Variants in SDHAF3 observed in about 807,000 individuals in gnomAD.
The protein encoded by SDHAF3 is succinate dehydrogenase complex assembly factor 3.
SDHAF3 carries 18 observed loss-of-function variants against 11.5 expected under a neutral mutation model. That is an observed-to-expected ratio of 1.56 (90% confidence interval 1.08 to 2.32). The LOEUF is 2.32. Among genes scored for constraint, SDHAF3 ranks in the 30% most tolerant of loss-of-function variants. The pLI, the probability that SDHAF3 is intolerant of heterozygous loss-of-function variation, is 0.00. For synonymous variants in SDHAF3, 72 were observed against 59.3 expected (o/e 1.21, Z -0.99); for missense variants, 200 against 154.4 (o/e 1.30, Z -1.57).
intron 1 of SDHAF3, among the ~76,000 whole-genome samples, chr7:97,143,530 C>T (rs551715881): frequency 3.2e-4 from 49 of 152,240 alleles, no homozygotes; most frequent in African/African-American, 1.2e-3. Context: ...GCTTAGCTCC[C>T]ACATATCAGT....
intron 1 of SDHAF3, among the ~76,000 whole-genome samples, chr7:97,130,623 C>T (rs536249249): frequency 2.0e-4 from 31 of 152,314 alleles, no homozygotes; most frequent in Non-Finnish European, 4.1e-4. Flanking sequence ...TCACGTGTGG[C>T]CGCAGCCCTG....
At chr7:97,180,723 G>A (rs531101612) in intron 1 of SDHAF3, among the ~76,000 whole-genome samples, 9 of 152,274 alleles carry the variant, frequency 5.9e-5, no homozygotes, top group African/African-American at 2.2e-4. Flanking sequence ...ATGGTTTGAG[G>A]TGGTTTATGC....
intron 1 of SDHAF3, 67 bp downstream of exon 1, chr7:97,117,964 C>T: frequency 6.4e-7 from 1 of 1,571,548 alleles, no homozygotes; most frequent in South Asian, 1.2e-5. Context: ...TTTCTAGTTC[C>T]AGTCCCCCAT....
Position 97,181,358 on chromosome 7 carries a change from T to C in SDHAF3, c.*143T>C. 1.6e-6 allele frequency: 1 copy of C among 620,720 alleles called. No individual in the cohort carries two copies. Among genetic ancestry groups the C allele is most frequent in the Non-Finnish European group, 2.7e-6 (1 of 366,292 alleles). 38.5% of individuals were successfully genotyped at this position (620,720 alleles called of 1,614,324 possible). On this transcript the variant is annotated 3_prime_UTR_variant, in exon 2 of 2. Coordinates refer to ENST00000432641, the MANE Select transcript of SDHAF3 (RefSeq NM_020186.3). ...TATTTTGGATATTATGATTGCAGTA[T>C]ATGGATCAAGATCACTAGTGACAAT...
intron 1 of SDHAF3, among the ~76,000 whole-genome samples, chr7:97,174,102 A>G (rs1789646132): frequency 6.6e-6 from 1 of 151,892 alleles, no homozygotes. Flanking sequence ...TATTTTTATT[A>G]GAGACAGGGT....
At chr7:97,124,173 A>G (rs186467072) in intron 1 of SDHAF3, among the ~76,000 whole-genome samples, 1 of 150,728 alleles carries the variant, frequency 6.6e-6, no homozygotes, top group Non-Finnish European at 1.5e-5. Context: ...TTGGTTGTAA[A>G]GTGTAAGGAA....
chr7:97,160,246 C>T (rs1356011678), intron 1 of SDHAF3, among the ~76,000 whole-genome samples: 1 of 147,108 alleles, frequency 6.8e-6, no homozygotes, highest in African/African-American at 2.5e-5. Flanking sequence ...TGAGGAGCGC[C>T]CCTGCCCGGC....
chr7:97,124,698 A>G (rs1321813737), intron 1 of SDHAF3, among the ~76,000 whole-genome samples: 3 of 152,116 alleles, frequency 2.0e-5, no homozygotes, highest in African/African-American at 7.2e-5. Context: ...GTTCTCCTTG[A>G]AGAGGTCCTT....
At chr7:97,123,624 T>C (rs887726638) in intron 1 of SDHAF3, among the ~76,000 whole-genome samples, 3 of 152,140 alleles carry the variant, frequency 2.0e-5, no homozygotes, top group Admixed American at 2.0e-4. Context: ...AGTGTAAAAG[T>C]GTTCCTATTT....
chr7:97,125,782 C>T (rs1357687163), intron 1 of SDHAF3, among the ~76,000 whole-genome samples: 1 of 152,172 alleles, frequency 6.6e-6, no homozygotes, highest in Non-Finnish European at 1.5e-5. Flanking sequence ...TAGAACATGC[C>T]TCCGTAGCTC....
intron 1 of SDHAF3, among the ~76,000 whole-genome samples, chr7:97,171,231 C>G (rs1001246859): frequency 1.4e-4 from 22 of 151,932 alleles, no homozygotes; most frequent in Non-Finnish European, 3.2e-4. Context: ...TTCAGTGTTG[C>G]TAAAGAGAAT....
chr7:97,157,835 A>C (rs1789327854), intron 1 of SDHAF3, among the ~76,000 whole-genome samples: 1 of 151,874 alleles, frequency 6.6e-6, no homozygotes, highest in Admixed American at 6.6e-5. Context: ...GAAGCTGGAA[A>C]CCATCATTCT....
Position 97,117,796 on chromosome 7 carries a change from C to T in SDHAF3, c.73C>T (p.Pro25Ser), listed in dbSNP as rs1179725194. Residue 25 changes from proline (P) to serine (S), a missense_variant, in exon 1 of 2, where the codon CCG (proline) becomes TCG (serine). Physicochemically the swap from Pro to Ser is moderately conservative, Grantham distance 74. Transcript: ENST00000432641. The part of the protein sequence containing the change: ...RVLQLHRVLP[P>S]DLKSLGDQYV... ...CTTGCAGCTGCACCGTGTTCTGCCCCCGGACCTCAAATCCCTGGGCGACCA... is the reference window on the plus strand; with the variant it reads ...CTTGCAGCTGCACCGTGTTCTGCCCTCGGACCTCAAATCCCTGGGCGACCA... The T allele has an allele frequency of 5.6e-6, 9 of 1,614,080 alleles. No homozygotes were observed. The highest frequency in any genetic ancestry group is 5.0e-5 in the Admixed American group (3 of 60,014).
chr7:97,180,911 T>A lies in SDHAF3; in HGVS notation c.175-101T>A, dbSNP rs17168220. On this transcript the variant is annotated intron_variant, in intron 1 of 1. Coordinates refer to ENST00000432641, the MANE Select transcript of SDHAF3 (RefSeq NM_020186.3). Reference sequence around the variant, plus strand: ...CTTAACCAAATGCTTCTGCATTTACTGATGAGGAAAAATAGGTGACTCAGA... The same window carrying A: ...CTTAACCAAATGCTTCTGCATTTACAGATGAGGAAAAATAGGTGACTCAGA... 1,579 of 982,646 alleles carry A rather than the reference T, an allele frequency of 1.6e-3. 17 individuals are homozygous for A. In the African/African-American group the frequency reaches 0.023, roughly 15 times the overall value. 60.9% of individuals were successfully genotyped at this position (982,646 alleles called of 1,614,324 possible).
intron 1 of SDHAF3, among the ~76,000 whole-genome samples, chr7:97,137,587 T>C (rs763295776): frequency 2.0e-5 from 3 of 152,240 alleles, no homozygotes; most frequent in Non-Finnish European, 4.4e-5. Flanking sequence ...AGTTATTCAA[T>C]GTCTACTATT....
intron 1 of SDHAF3, among the ~76,000 whole-genome samples, chr7:97,120,498 C>A (rs548721031): frequency 1.3e-5 from 2 of 151,998 alleles, no homozygotes; most frequent in Middle Eastern, 3.4e-3. Flanking sequence ...TTTTCCCCCC[C>A]ACCTGTTCTT....
Position 97,121,089 on chromosome 7 carries a change from G to A in SDHAF3, c.174+3192G>A, listed in dbSNP as rs527815532. Among the ~76,000 whole-genome samples, 198 of 152,338 alleles carry A rather than the reference G, an allele frequency of 1.3e-3. 1 individual carries two copies. The highest frequency in any genetic ancestry group is 2.4e-3 in the Non-Finnish European group (165 of 68,032). ...TTTTGGGAATCTATGAAGGGAGAAT[G>A]TACGATAACTGGTTTGTAAAATGTG... On this transcript the variant is annotated intron_variant, in intron 1 of 1. Coordinates refer to ENST00000432641, the MANE Select transcript of SDHAF3 (RefSeq NM_020186.3).
chr7:97,144,105 TC>T (rs1789099978), intron 1 of SDHAF3, among the ~76,000 whole-genome samples: 2 of 152,230 alleles, frequency 1.3e-5, no homozygotes, highest in South Asian at 4.1e-4. Flanking sequence ...GAGCGTTTTT[TC>T]ATATGGTCAT....
chr7:97,133,592 G>C (rs1243991785), intron 1 of SDHAF3, among the ~76,000 whole-genome samples: 1 of 152,066 alleles, frequency 6.6e-6, no homozygotes, highest in East Asian at 1.9e-4. Flanking sequence ...CCTTCTTTCT[G>C]TTGAGGTATT....
Sources: allele counts gnomAD v4.1 joint callset (sites outside exome capture counted in the v4.1 genomes callset), GRCh38; gene constraint gnomAD v4.1.1; transcripts MANE v1.5; gene names NCBI Gene and HGNC (gene_info 2026-07-23, HGNC 2026-07-21).